Variants in UBXN1 observed in about 807,000 individuals in gnomAD.
UBXN1 encodes UBX domain-containing protein 1.
A neutral mutation model predicts 42.0 loss-of-function variants in UBXN1; 21 were observed. The observed-to-expected ratio is 0.50, with a 90% CI of 0.35 to 0.72. The LOEUF (loss-of-function observed/expected upper bound fraction) is 0.72. Among genes scored for constraint, UBXN1 ranks in the 30% least tolerant of loss-of-function variants. UBXN1 has a pLI of 0.00. For missense variants in UBXN1, 374 were observed against 382.2 expected (o/e 0.98, Z 0.18); for synonymous variants, 172 against 142.6 (o/e 1.21, Z -1.47).
intron 7 of UBXN1, 59 bp downstream of exon 7, chr11:62,677,459 G>T: frequency 6.5e-7 from 1 of 1,547,364 alleles, no homozygotes; most frequent in Non-Finnish European, 8.9e-7. Context: ...GCTCTGAGCT[G>T]GGCACCTTAA....
intron 4 of UBXN1, 31 bp downstream of exon 4, chr11:62,678,308 C>A: frequency 6.2e-7 from 1 of 1,614,036 alleles, no homozygotes; most frequent in Non-Finnish European, 8.5e-7. Context: ...GGAAGACGAC[C>A]CTCAGACACG....
chr11:62,678,932 C>A lies in UBXN1; in HGVS notation c.-9G>T. The A allele has an allele frequency of 6.3e-7, 1 of 1,580,210 alleles. No individual in the cohort carries two copies. Among genetic ancestry groups the A allele is most frequent in the Non-Finnish European group, 8.6e-7 (1 of 1,166,848 alleles). On this transcript the variant is annotated 5_prime_UTR_variant, in exon 1 of 9. Transcript: ENST00000301935. ...GCCGTCAGCTCCGCCATGGCGCCGA[C>A]ACCGCGGCTTCCGCGGGGACCTGGT...
At position 62,677,957 on chromosome 11, in the gene UBXN1, C is replaced by T. The variant is rs761509176; in HGVS notation, c.452G>A (p.Arg151Gln). ...TGCTAACTCCTCGGCCTTTTCCCTCCGCCTCTCCTCAGCAGCCCGGCGCAT... is the reference window on the plus strand; with the variant it reads ...TGCTAACTCCTCGGCCTTTTCCCTCTGCCTCTCCTCAGCAGCCCGGCGCAT... ...DEMRRAAEER[R>Q]REKAEELAAR... The change falls in exon 5 of 9, where the codon CGG (arginine) becomes CAG (glutamine). Residue 151 changes from arginine (R) to glutamine (Q), a missense_variant. Coordinates refer to ENST00000301935, the MANE Select transcript of UBXN1 (RefSeq NM_001286077.2). The T allele has an allele frequency of 2.5e-6, 4 of 1,614,052 alleles. No individual in the cohort carries two copies. The Admixed American group carries it at 5.0e-5, about 20-fold the overall frequency.
chr11:62,677,507 A>G lies in UBXN1; in HGVS notation c.651+11T>C. The stretch of plus-strand genomic sequence containing the variant: ...GGGTCCCAAGAGGAAGATAAGAATT[A>G]GAATCAGTACCTGTATGCGACACTG... On this transcript the variant is annotated intron_variant, in intron 7 of 8. Transcript: ENST00000301935. 6.2e-7 allele frequency: 1 copy of G among 1,613,698 alleles called. No individual in the cohort carries two copies. The highest frequency in any genetic ancestry group is 1.3e-5 in the African/African-American group (1 of 75,060).
Position 62,677,761 on chromosome 11 carries a change from G to T in UBXN1, c.534+20C>A, listed in dbSNP as rs1450144529. ...TAACCTGCCCACTCCATTACCCGTGGCGTCTTCTCAGTCACCTACCTTCTT... is the reference window on the plus strand; with the variant it reads ...TAACCTGCCCACTCCATTACCCGTGTCGTCTTCTCAGTCACCTACCTTCTT... On this transcript the variant is annotated intron_variant, in intron 6 of 8. Coordinates refer to ENST00000301935, the MANE Select transcript of UBXN1 (RefSeq NM_001286077.2). 6.2e-7 allele frequency: 1 copy of T among 1,614,228 alleles called. No individual in the cohort carries two copies. Among genetic ancestry groups the T allele is most frequent in the Admixed American group, 1.7e-5 (1 of 60,014 alleles).
intron 7 of UBXN1, 84 bp downstream of exon 7, chr11:62,677,434 C>T (rs547761885): frequency 2.5e-4 from 344 of 1,356,676 alleles, no homozygotes; most frequent in Non-Finnish European, 3.4e-4. Context: ...GCAAAGGGCA[C>T]GTTAACTGAA....
rs1945021996 is a variant in UBXN1, at chr11:62,676,579, G to A, written c.*11C>T. Reference sequence around the variant, plus strand: ...TGAAGGGGTCACAGAGGGACAATGGGACAAAGGCCCTCAGCTGGGACATTT... The same window carrying A: ...TGAAGGGGTCACAGAGGGACAATGGAACAAAGGCCCTCAGCTGGGACATTT... On this transcript the variant is annotated 3_prime_UTR_variant, in exon 9 of 9. Coordinates refer to ENST00000301935, the MANE Select transcript of UBXN1 (RefSeq NM_001286077.2). The A allele has an allele frequency of 3.8e-6, 6 of 1,592,036 alleles. No homozygotes were observed. The East Asian group carries it at 1.4e-4, about 36-fold the overall frequency.
Position 62,677,808 on chromosome 11 carries a change from C to T in UBXN1, c.507G>A (p.Glu169=). The change falls in exon 6 of 9, where the codon GAG becomes GAA. Residue 169 remains glutamate, a synonymous_variant. Coordinates refer to ENST00000301935, the MANE Select transcript of UBXN1 (RefSeq NM_001286077.2). ...AARQRVREKI[E]RDKAERAKKY... ...TCTTGGCTCTCTCTGCTTTGTCCCT[C>T]TCGATCTTTTCTCTAACTCTTTGTC... The T allele has an allele frequency of 6.2e-7, 1 of 1,614,228 alleles. No homozygotes were observed. The highest frequency in any genetic ancestry group is 2.2e-5 in the East Asian group (1 of 44,892).
rs1486650135 is a variant in UBXN1, at chr11:62,677,017, G to T, written c.652-12C>A. 1 of 1,604,878 alleles carries T rather than the reference G, an allele frequency of 6.2e-7. No individual in the cohort carries two copies. The highest frequency in any genetic ancestry group is 2.2e-5 in the East Asian group (1 of 44,826). On this transcript the variant is annotated splice_polypyrimidine_tract_variant and intron_variant, in intron 7 of 8. Transcript: ENST00000301935. ...TCTGGCAGCCTGACCTAAAGGGCAA[G>T]GGAGATACTCAGTATTGTGGGCATC...
intron 7 of UBXN1, 198 bp downstream of exon 7, chr11:62,677,320 G>C (rs1945035572): frequency 3.1e-6 from 2 of 653,314 alleles, no homozygotes; most frequent in African/African-American, 1.8e-5. Flanking sequence ...CTGAGTAAGA[G>C]AGAGGTATGG....
Position 62,678,424 on chromosome 11 carries a change from C to A in UBXN1, c.221-16G>T. On this transcript the variant is annotated splice_polypyrimidine_tract_variant and intron_variant, in intron 3 of 8. Coordinates refer to ENST00000301935, the MANE Select transcript of UBXN1 (RefSeq NM_001286077.2). ...GAACCAGATCCTACAAACAAACAAT[C>A]GGTATTATTATCCCTTCAGATTCTC... 1.9e-6 allele frequency: 3 copies of A among 1,613,966 alleles called. No individual in the cohort carries two copies. Among genetic ancestry groups the A allele is most frequent in the Non-Finnish European group, 2.5e-6 (3 of 1,179,898 alleles).
At position 62,678,551 on chromosome 11, in the gene UBXN1, G is replaced by A. The variant is rs1945080366; in HGVS notation, c.164C>T (p.Pro55Leu). The A allele has an allele frequency of 1.9e-6, 3 of 1,611,990 alleles. No homozygotes were observed. The highest frequency in any genetic ancestry group is 2.5e-6 in the Non-Finnish European group (3 of 1,178,784). ...DPDVDEPLET[P>L]LGHILGREPT... The stretch of plus-strand genomic sequence containing the variant: ...CTCCCGTCCCAGGATATGTCCAAGG[G>A]GAGTCTCTAAAGGCTCGTCCACATC... The change falls in exon 3 of 9, where the codon CCC becomes CTC. Residue 55 changes from proline to leucine, a missense_variant. Pro to Leu is a moderately conservative substitution (Grantham distance 98, BLOSUM62 -3). Transcript: ENST00000301935.
At chr11:62,677,112 G>A in intron 7 of UBXN1, 107 bp from the exon 8 acceptor site, 1 of 1,276,822 alleles carries the variant, frequency 7.8e-7, no homozygotes, top group Non-Finnish European at 1.1e-6. Flanking sequence ...GATTGAACCA[G>A]CACAACTACT....
chr11:62,676,959 C>G lies in UBXN1; in HGVS notation c.698G>C (p.Arg233Pro). ...GAGCCTCACAGCTGCCAGCTGTTCC[C>G]GGGCCCGGAACGTCTGGGTCAGTGA... The part of the protein sequence containing the change: ...GTSLTQTFRA[R>P]EQLAAVRLYV... Residue 233 changes from arginine (R) to proline (P), a missense_variant, in exon 8 of 9, where the codon CGG becomes CCG. By Grantham distance (103) the Arg-to-Pro change is moderately radical. Transcript: ENST00000301935. 6.2e-7 allele frequency: 1 copy of G among 1,612,410 alleles called. No individual in the cohort carries two copies. Among genetic ancestry groups the G allele is most frequent in the South Asian group, 1.1e-5 (1 of 91,086 alleles).
At chr11:62,678,315 C>CA (rs746471196) in intron 4 of UBXN1, 24 bp downstream of exon 4, 1 of 1,614,046 alleles carries the variant, frequency 6.2e-7, no homozygotes, top group Non-Finnish European at 8.5e-7. Context: ...GACCCTCAGA[C>CA]ACGTGAGATT....
chr11:62,678,000 G>A lies in UBXN1; in HGVS notation c.409C>T (p.Arg137Trp). Residue 137 changes from arginine to tryptophan, a missense_variant, in exon 5 of 9, where the codon CGG (arginine) becomes TGG (tryptophan). Arg to Trp is a moderately radical substitution (Grantham distance 101). Coordinates refer to ENST00000301935, the MANE Select transcript of UBXN1 (RefSeq NM_001286077.2). The stretch of plus-strand genomic sequence containing the variant: ...CGGCGCATCTCATCTTCCTGTAGCC[G>A]CTGTCGTGCTGCTGACAACTCTTGC... The part of the protein sequence containing the change: ...QGQELSAARQ[R>W]LQEDEMRRAA... 1 of 1,614,002 alleles carries A rather than the reference G, an allele frequency of 6.2e-7. No individual in the cohort carries two copies. Among genetic ancestry groups the A allele is most frequent in the Non-Finnish European group, 8.5e-7 (1 of 1,180,032 alleles).
chr11:62,678,448 T>A (rs760422382), intron 3 of UBXN1, 40 bp from the exon 4 acceptor site: 1 of 1,613,886 alleles, frequency 6.2e-7, no homozygotes, highest in Non-Finnish European at 8.5e-7. Context: ...CTTCAGATTC[T>A]CCTCGGACCC....
chr11:62,677,630 C>T lies in UBXN1; in HGVS notation c.539G>A (p.Gly180Asp), dbSNP rs750876268. 7 of 1,612,306 alleles carry T rather than the reference C, an allele frequency of 4.3e-6. No individual in the cohort carries two copies. Among genetic ancestry groups the T allele is most frequent in the Middle Eastern group, 1.7e-4 (1 of 6,044 alleles). Residue 180 changes from glycine to aspartate, a missense_variant, in exon 7 of 9, where the codon GGT becomes GAT. Physicochemically the swap from Gly to Asp is moderately conservative, Grantham distance 94 (BLOSUM62 -1). Transcript: ENST00000301935. Reference protein sequence around the residue: ...RDKAERAKKYGGSVGSQPPPV... With the variant: ...RDKAERAKKYDGSVGSQPPPV... ...GGGTGGCTGAGAGCCCACACTGCCACCATACTAAAGGGCAAAGTAAAACAG... is the reference window on the plus strand; with the variant it reads ...GGGTGGCTGAGAGCCCACACTGCCATCATACTAAAGGGCAAAGTAAAACAG...
Position 62,678,845 on chromosome 11 carries a change from G to A in UBXN1, c.59+20C>T. The A allele has an allele frequency of 1.2e-6, 2 of 1,608,416 alleles. No homozygotes were observed. The highest frequency in any genetic ancestry group is 1.1e-5 in the South Asian group (1 of 90,400). ...CGCGACCCCCCACACCCGCAGGCCG[G>A]GGTTGGGGAACTCCCTTACGCGCGT... is the stretch of plus-strand genomic sequence containing the variant. On this transcript the variant is annotated intron_variant, in intron 1 of 8. Transcript: ENST00000301935.
Sources: gnomAD v4.1 joint callset for allele counts on GRCh38, gnomAD v4.1.1 for gene constraint, MANE v1.5 for transcripts, NCBI Gene and HGNC (gene_info 2026-07-23, HGNC 2026-07-21) for gene names.